Variants in POLB observed in about 807,000 individuals in gnomAD.
POLB encodes the protein DNA polymerase beta.
Under a neutral mutation model 52.7 loss-of-function variants are expected in POLB, and 37 were observed. That is an observed-to-expected ratio of 0.70 (90% CI 0.54 to 0.92). POLB has a LOEUF of 0.92. Ranked by LOEUF, POLB falls within the 40% of genes least tolerant of loss-of-function variation. The pLI, the probability that POLB is intolerant of heterozygous loss-of-function variation, is 0.00. For missense variants in POLB, 313 were observed against 400.8 expected, an observed-to-expected ratio of 0.78 and a Z score of 1.87; for synonymous variants, 138 against 131.3, an observed-to-expected ratio of 1.05 and a Z score of -0.35.
At chr8:42,345,435 A>C (rs1822551469) in intron 3 of POLB, among the ~76,000 whole-genome samples, 1 of 152,162 alleles carries the variant, frequency 6.6e-6, no homozygotes, top group South Asian at 2.1e-4. Flanking sequence ...GATCTTACTA[A>C]TAAGCACATG....
At chr8:42,358,983 C>A (rs1172852521) in intron 9 of POLB, among the ~76,000 whole-genome samples, 1 of 152,204 alleles carries the variant, frequency 6.6e-6, no homozygotes, top group Non-Finnish European at 1.5e-5. Flanking sequence ...GCACAGCAAG[C>A]CAAATGCATG....
chr8:42,369,963 C>T lies in POLB; in HGVS notation c.888C>T (p.Tyr296=), dbSNP rs3136804. The change falls in exon 13 of 14, where the codon TAC becomes TAT. Residue 296 remains tyrosine (Y), a synonymous_variant. Transcript: ENST00000265421. ...ALEKGFTINE[Y]TIRPLGVTGV... ...AAAAGGGTTTCACAATCAATGAGTACACCATCCGTCCCTTGGGAGTCACTG... is the reference window on the plus strand; with the variant it reads ...AAAAGGGTTTCACAATCAATGAGTATACCATCCGTCCCTTGGGAGTCACTG... 6.2e-7 allele frequency: 1 copy of T among 1,609,528 alleles called. No homozygotes were observed. The highest frequency in any genetic ancestry group is 1.1e-5 in the South Asian group (1 of 90,884).
chr8:42,344,617 G>A (rs779251215), intron 2 of POLB, among the ~76,000 whole-genome samples: 1 of 151,816 alleles, frequency 6.6e-6, no homozygotes, highest in Non-Finnish European at 1.5e-5. Flanking sequence ...GGTGGATCAC[G>A]AGGTCAGGAG....
intron 2 of POLB, chr8:42,339,297 G>A (rs1275426356): frequency 3.7e-6 from 2 of 536,676 alleles, no homozygotes; most frequent in Non-Finnish European, 6.7e-6. Flanking sequence ...AGCCTGATAC[G>A]TATTTTGTCA....
intron 13 of POLB, among the ~76,000 whole-genome samples, chr8:42,371,052 G>A (rs919291525): frequency 3.3e-5 from 5 of 152,192 alleles, no homozygotes; most frequent in Non-Finnish European, 7.4e-5. Flanking sequence ...GGGATCCCCA[G>A]GTTCCCTTTG....
intron 5 of POLB, among the ~76,000 whole-genome samples, chr8:42,352,317 G>A (rs965281987): frequency 1.3e-5 from 2 of 152,162 alleles, no homozygotes; most frequent in Admixed American, 1.3e-4. Context: ...TCCTTTTTAT[G>A]TCTGAATTCA....
chr8:42,368,836 T>C (rs1824199096), intron 11 of POLB: 1 of 152,622 alleles, frequency 6.6e-6, no homozygotes, highest in Non-Finnish European at 1.5e-5. Flanking sequence ...TAGTATTCTG[T>C]TCTTACTTCA....
At chr8:42,349,547 C>G (rs1822840397) in intron 4 of POLB, among the ~76,000 whole-genome samples, 1 of 152,168 alleles carries the variant, frequency 6.6e-6, no homozygotes, top group Non-Finnish European at 1.5e-5. Context: ...CGCCACCACA[C>G]CCAGCTAATT....
chr8:42,370,328 A>G (rs905985685), intron 13 of POLB: 5 of 369,642 alleles, frequency 1.4e-5, no homozygotes, highest in African/African-American at 4.6e-5. Flanking sequence ...AAACTCAAGT[A>G]TCATTGTTTT....
intron 13 of POLB, among the ~76,000 whole-genome samples, chr8:42,371,027 T>G (rs911983001): frequency 1.3e-5 from 2 of 152,192 alleles, no homozygotes; most frequent in African/African-American, 4.8e-5. Context: ...GAGGATGACT[T>G]GAGTGGCCCT....
At chr8:42,356,212 G>C (rs1263593438) in intron 7 of POLB, among the ~76,000 whole-genome samples, 1 of 152,154 alleles carries the variant, frequency 6.6e-6, no homozygotes, top group Non-Finnish European at 1.5e-5. Context: ...TCCTGTTGAT[G>C]CTTTACCATA....
intron 11 of POLB, among the ~76,000 whole-genome samples, chr8:42,367,166 G>C (rs1824092178): frequency 1.3e-5 from 2 of 152,220 alleles, no homozygotes; most frequent in Admixed American, 1.3e-4. Flanking sequence ...TGTTCTCGAA[G>C]CTTGGGATGT....
chr8:42,371,217 A>G (rs1461946963), intron 13 of POLB, among the ~76,000 whole-genome samples: 1 of 152,128 alleles, frequency 6.6e-6, no homozygotes, highest in Non-Finnish European at 1.5e-5. Context: ...TCTGCCTCCC[A>G]GGTTCAAGCG....
At chr8:42,342,027 T>G (rs1822233435) in intron 2 of POLB, 1 of 781,244 alleles carries the variant, frequency 1.3e-6, no homozygotes, top group East Asian at 2.4e-5. Context: ...AAGTAGTGCA[T>G]GTAATCTGCA....
chr8:42,350,265 A>G (rs1277577150), intron 5 of POLB, among the ~76,000 whole-genome samples, 200 bp downstream of exon 5: 1 of 152,080 alleles, frequency 6.6e-6, no homozygotes, highest in Non-Finnish European at 1.5e-5. Context: ...TCCAAGGCAG[A>G]TGTTACCTCC....
At chr8:42,348,877 T>G in intron 3 of POLB, 139 bp from the exon 4 acceptor site, 1 of 512,922 alleles carries the variant, frequency 1.9e-6, no homozygotes, top group South Asian at 3.2e-5. Context: ...TCACTGGGGT[T>G]CAATTTTCTG....
chr8:42,339,020 A>G lies in POLB; in HGVS notation c.70A>G (p.Asn24Asp), dbSNP rs969168833. The G allele has an allele frequency of 1.1e-5, 18 of 1,613,886 alleles. No individual in the cohort carries two copies. The highest frequency in any genetic ancestry group is 2.2e-5 in the South Asian group (2 of 91,072). ...CTTCTGTTGCCTTTCAGAACTCGCA[A>G]ACTTTGAGAAGAACGTGAGCCAAGC... ...GITDMLTELA[N>D]FEKNVSQAIH... is the part of the protein sequence containing the mutation. Residue 24 changes from asparagine (N) to aspartate (D), a missense_variant, in exon 2 of 14, where the codon AAC (asparagine) becomes GAC (aspartate). Physicochemically the swap from Asn to Asp is conservative, Grantham distance 23 (BLOSUM62 1). This residue lies in a region of POLB where 54 missense variants were observed against 63.4 expected (regional missense o/e 0.85). Transcript: ENST00000265421.
chr8:42,345,844 CTAAA>C (rs1822576399), intron 3 of POLB, among the ~76,000 whole-genome samples: 1 of 152,154 alleles, frequency 6.6e-6, no homozygotes, highest in Non-Finnish European at 1.5e-5. Flanking sequence ...CTAAATCTTA[CTAAA>C]TGATTCAAAG....
At chr8:42,370,056 TGG>T in intron 13 of POLB, 68 bp downstream of exon 13, 1 of 1,325,942 alleles carries the variant, frequency 7.5e-7, no homozygotes, top group Non-Finnish European at 1.1e-6. Context: ...AAAGATACTT[TGG>T]TTTAGCAAAC....
Sources: allele counts gnomAD v4.1 joint callset (sites outside exome capture counted in the v4.1 genomes callset), GRCh38; gene constraint gnomAD v4.1.1; regional missense constraint gnomAD v4.1.1; transcripts MANE v1.5; gene names NCBI Gene and HGNC (gene_info 2026-07-23, HGNC 2026-07-21).